Variants in SCN2A observed in about 807,000 individuals in gnomAD.
SCN2A encodes the protein sodium voltage-gated channel alpha subunit 2, also known as sodium channel protein type 2 subunit alpha.
Under a neutral mutation model 188.7 loss-of-function variants are expected in SCN2A, and 20 were observed. The ratio of observed to expected loss-of-function variants is 0.11; its 90% CI spans 0.07 to 0.15. The LOEUF (loss-of-function observed/expected upper bound fraction) is 0.15, where lower values mean the gene tolerates loss of function less well. SCN2A is among the 10% of genes least tolerant of loss of function. SCN2A has a pLI of 1.00. For synonymous variants in SCN2A, 804 were observed against 833.1 expected, an observed-to-expected ratio of 0.97 and a Z score of 0.60; for missense variants, 1,278 against 2,445.0, an observed-to-expected ratio of 0.52 and a Z score of 10.07.
At chr2:165,306,855 T>C (rs1697167712) in intron 3 of SCN2A, among the ~76,000 whole-genome samples, 1 of 152,116 alleles carries the variant, frequency 6.6e-6, no homozygotes, top group Non-Finnish European at 1.5e-5. Flanking sequence ...ACGTATTTCC[T>C]CTCTGGAATT....
At position 165,386,835 on chromosome 2, in the gene SCN2A, C is replaced by A. The variant is rs761352749; in HGVS notation, c.4641C>A (p.Thr1547=). Residue 1547 remains threonine, a synonymous_variant, in exon 26 of 27, where the codon ACC becomes ACA. Coordinates refer to ENST00000375437, the MANE Select transcript of SCN2A (RefSeq NM_001040142.2). ...IMILICLNMV[T]MMVETDDQSQ... ...TCCTCATCTGCCTTAACATGGTCAC[C>A]ATGATGGTGGAAACCGATGACCAGA... is the stretch of plus-strand genomic sequence containing the variant. 6.2e-7 allele frequency: 1 copy of A among 1,613,900 alleles called. No homozygotes were observed. Among genetic ancestry groups the A allele is most frequent in the Non-Finnish European group, 8.5e-7 (1 of 1,179,918 alleles).
At chr2:165,326,718 A>G in intron 12 of SCN2A, 134 bp from the exon 13 acceptor site, 1 of 1,063,044 alleles carries the variant, frequency 9.4e-7, no homozygotes, top group Non-Finnish European at 1.4e-6. Context: ...TATCATTCCA[A>G]CAATATCTTA....
intron 23 of SCN2A, 148 bp from the exon 24 acceptor site, chr2:165,380,444 G>A (rs1224902356): frequency 5.0e-6 from 3 of 600,282 alleles, no homozygotes; most frequent in Non-Finnish European, 9.0e-6. Context: ...ATAAGCATGT[G>A]AGATTTGAAG....
Position 165,297,032 on chromosome 2 carries a change from A to C in SCN2A, c.283A>C (p.Asn95His). The change falls in exon 3 of 27, where the codon AAT becomes CAT. Residue 95 changes from asparagine (N) to histidine (H), a missense_variant. By Grantham distance (68) the Asn-to-His change is moderately conservative. Transcript: ENST00000375437. ...TCTTTTTCAGACGTTTATAGTATTG[A>C]ATAAAGGGAAAGCAATCTCTCGATT... Reference protein sequence around the residue: ...YINKKTFIVLNKGKAISRFSA... With the variant: ...YINKKTFIVLHKGKAISRFSA... The C allele has an allele frequency of 6.2e-7, 1 of 1,600,090 alleles. No homozygotes were observed. Among genetic ancestry groups the C allele is most frequent in the South Asian group, 1.1e-5 (1 of 90,554 alleles).
At chr2:165,275,798 G>A (rs769312473) in intron 1 of SCN2A, among the ~76,000 whole-genome samples, 1 of 150,950 alleles carries the variant, frequency 6.6e-6, no homozygotes, top group East Asian at 2.0e-4. Flanking sequence ...GCAGTGGTGT[G>A]ATCTCGGCTC....
intron 16 of SCN2A, 50 bp from the exon 17 acceptor site, chr2:165,354,142 A>G (rs1226006200): frequency 3.7e-6 from 6 of 1,610,920 alleles, no homozygotes; most frequent in Admixed American, 1.7e-5. Flanking sequence ...ATGGAAAGCA[A>G]TTGAAGCAAT....
intron 16 of SCN2A, among the ~76,000 whole-genome samples, chr2:165,351,174 C>T (rs1175419119): frequency 6.6e-6 from 1 of 152,156 alleles, no homozygotes; most frequent in African/African-American, 2.4e-5. Context: ...AAAATATGTG[C>T]TCCTCTATGT....
At chr2:165,282,880 G>T (rs889821378) in intron 1 of SCN2A, among the ~76,000 whole-genome samples, 4 of 152,158 alleles carry the variant, frequency 2.6e-5, no homozygotes, top group Non-Finnish European at 5.9e-5. Flanking sequence ...GAACAAAAAG[G>T]TCACTAGAGG....
intron 13 of SCN2A, 53 bp from the exon 14 acceptor site, chr2:165,331,277 G>A: frequency 7.6e-7 from 1 of 1,323,524 alleles, no homozygotes; most frequent in East Asian, 2.3e-5. Context: ...AACCAAATCT[G>A]CTTAATAGAA....
At chr2:165,364,662 GA>G (rs1180709532) in intron 17 of SCN2A, among the ~76,000 whole-genome samples, 7 of 152,210 alleles carry the variant, frequency 4.6e-5, no homozygotes, top group African/African-American at 1.7e-4. Context: ...TCATGTCAAT[GA>G]AAAGTGGATA....
chr2:165,338,429 T>C (rs1269554917), intron 14 of SCN2A, among the ~76,000 whole-genome samples: 1 of 151,924 alleles, frequency 6.6e-6, no homozygotes, highest in African/African-American at 2.4e-5. Flanking sequence ...CTGGCTAATT[T>C]TGTTGCATTT....
intron 14 of SCN2A, among the ~76,000 whole-genome samples, chr2:165,338,352 C>G (rs1035707601): frequency 5.3e-5 from 8 of 151,708 alleles, no homozygotes; most frequent in African/African-American, 1.9e-4. Context: ...CTCCGCCTCC[C>G]CGGTTCACGT....
chr2:165,256,218 T>C (rs1320369417), intron 1 of SCN2A, among the ~76,000 whole-genome samples: 2 of 152,064 alleles, frequency 1.3e-5, no homozygotes, highest in African/African-American at 4.8e-5. Flanking sequence ...TTGGTCAGGC[T>C]GATCGCAAAC....
At position 165,303,270 on chromosome 2, in the gene SCN2A, G is replaced by GTTTTTTTTTTTTTTTTTT. The variant is rs71028477; in HGVS notation, c.387-4572_387-4555dup. On this transcript the variant is annotated intron_variant, in intron 3 of 26. Transcript: ENST00000375437. The stretch of plus-strand genomic sequence containing the variant: ...TTGTATTTGAGTTTTTGTTATTTGA[G>GTTTTTTTTTTTTTTTTTT]TTTTTTTTTTTTTTTTTTTTTTTGA... 2.7e-4 allele frequency among the ~76,000 whole-genome samples: 25 copies of GTTTTTTTTTTTTTTTTTT among 91,314 alleles called. 1 individual carries two copies. Among genetic ancestry groups the GTTTTTTTTTTTTTTTTTT allele is most frequent in the East Asian group, 1.1e-3 (3 of 2,674 alleles). The allele number at this position is 91,314 out of a possible 152,430, so 59.9% of individuals were successfully genotyped here. A position where few individuals can be genotyped will look rare whatever the true frequency, so the allele number is the denominator to read the frequency against.
intron 11 of SCN2A, among the ~76,000 whole-genome samples, chr2:165,317,935 G>A (rs1697850587): frequency 2.0e-5 from 3 of 152,022 alleles, no homozygotes; most frequent in Admixed American, 2.0e-4. Context: ...GAAAGAGAGA[G>A]GGGGGAAAGG....
intron 16 of SCN2A, among the ~76,000 whole-genome samples, chr2:165,345,892 A>G (rs1699560052): frequency 6.6e-6 from 1 of 152,110 alleles, no homozygotes; most frequent in South Asian, 2.1e-4. Flanking sequence ...GAGCTCTTGT[A>G]AGTCAGGCCT....
At chr2:165,267,391 G>A (rs1048326101) in intron 1 of SCN2A, 2 of 151,852 alleles carry the variant, frequency 1.3e-5, no homozygotes, top group African/African-American at 4.8e-5. Context: ...ACACAAAATG[G>A]GAAACGAACA....
At chr2:165,280,115 G>A (rs1413311374) in intron 1 of SCN2A, among the ~76,000 whole-genome samples, 3 of 152,124 alleles carry the variant, frequency 2.0e-5, no homozygotes, top group Non-Finnish European at 2.9e-5. Context: ...TTTATCAGCA[G>A]CGTGAAAACA....
rs981752707 is a variant in SCN2A, at chr2:165,391,286, G to A, written c.*1462G>A. 6.6e-6 allele frequency: 1 copy of A among 152,476 alleles called. No homozygotes were observed. The highest frequency in any genetic ancestry group is 1.5e-5 in the Non-Finnish European group (1 of 67,980). The allele number at this position is 152,476 out of a possible 1,614,324, so 9.4% of individuals were successfully genotyped here. A position where few individuals can be genotyped will look rare whatever the true frequency, so the allele number is the denominator to read the frequency against. ...TTCCAACCTTAATTGAACACTCAAT[G>A]ATGAAAAGCCCGACTGTACAAACAT... On this transcript the variant is annotated 3_prime_UTR_variant, in exon 27 of 27. Transcript: ENST00000375437.
Sources: allele counts gnomAD v4.1 joint callset (sites outside exome capture counted in the v4.1 genomes callset), GRCh38; gene constraint gnomAD v4.1.1; transcripts MANE v1.5; gene names NCBI Gene and HGNC (gene_info 2026-07-23, HGNC 2026-07-21).